Variants in DLG2 observed in about 807,000 individuals in gnomAD.
DLG2 encodes the protein discs large MAGUK scaffold protein 2, also known as disks large homolog 2.
A neutral mutation model predicts 132.5 loss-of-function variants in DLG2; 45 were observed. The observed-to-expected ratio is 0.34, with a 90% CI of 0.27 to 0.44. The LOEUF is 0.44. DLG2 is among the 20% of genes least tolerant of loss of function. The pLI is 1.00. For synonymous variants in DLG2, 424 were observed against 419.6 expected (o/e 1.01, Z -0.13); for missense variants, 1,045 against 1,196.9 (o/e 0.87, Z 1.87).
intron 3 of DLG2, among the ~76,000 whole-genome samples, chr11:85,484,844 A>G (rs2093390831): frequency 2.0e-5 from 3 of 150,978 alleles, no homozygotes; most frequent in South Asian, 4.2e-4. Flanking sequence ...CAGCCATCCC[A>G]TTACTGGGTA....
At chr11:85,005,159 G>A (rs553097961) in intron 6 of DLG2, among the ~76,000 whole-genome samples, 64 of 152,248 alleles carry the variant, frequency 4.2e-4, no homozygotes, top group Non-Finnish European at 6.8e-4. Context: ...GTCAAATAGC[G>A]TGATGACTGC....
chr11:85,372,724 T>G (rs1473631448), intron 3 of DLG2, among the ~76,000 whole-genome samples: 2 of 152,254 alleles, frequency 1.3e-5, no homozygotes, highest in African/African-American at 4.8e-5. Context: ...CTAGGCCCTC[T>G]CTGCTTCATG....
intron 3 of DLG2, among the ~76,000 whole-genome samples, chr11:85,500,751 G>T (rs989387134): frequency 6.6e-6 from 1 of 152,032 alleles, no homozygotes; most frequent in Non-Finnish European, 1.5e-5. Context: ...ACAAACCACT[G>T]CTCAAGGAAA....
Position 85,243,355 on chromosome 11 carries a change from T to C in DLG2, c.186+41865A>G, listed in dbSNP as rs1334788776. On this transcript the variant is annotated intron_variant, in intron 4 of 27. Coordinates refer to ENST00000376104, the MANE Select transcript of DLG2 (RefSeq NM_001142699.3). ...GCTTTTCGAATTCAGAGATTCTATT[T>C]CATTCAATTTTACATCCCAGACCCA... is the stretch of plus-strand genomic sequence containing the variant. 1.4e-4 allele frequency among the ~76,000 whole-genome samples: 22 copies of C among 152,032 alleles called. No homozygotes were observed. The Admixed American group carries it at 1.4e-3, about 10-fold the overall frequency.
chr11:84,051,765 A>G (rs1308785655), intron 11 of DLG2, among the ~76,000 whole-genome samples: 1 of 151,918 alleles, frequency 6.6e-6, no homozygotes, highest in Non-Finnish European at 1.5e-5. Flanking sequence ...CTAAAACTTA[A>G]AGTATAATAT....
chr11:85,063,365 T>C (rs1423060914), intron 6 of DLG2, among the ~76,000 whole-genome samples: 1 of 151,858 alleles, frequency 6.6e-6, no homozygotes, highest in Non-Finnish European at 1.5e-5. Flanking sequence ...CATAGTCCAC[T>C]GCATATGGTT....
At chr11:85,426,665 C>A (rs1324304930) in intron 3 of DLG2, among the ~76,000 whole-genome samples, 1 of 152,112 alleles carries the variant, frequency 6.6e-6, no homozygotes, top group Non-Finnish European at 1.5e-5. Context: ...GATAAAACCA[C>A]AAAGATGGGG....
chr11:83,534,583 G>A (rs1228306301), intron 20 of DLG2, among the ~76,000 whole-genome samples: 2 of 152,182 alleles, frequency 1.3e-5, no homozygotes, highest in Non-Finnish European at 2.9e-5. Flanking sequence ...CAGTGTGAGA[G>A]TAGAATATCT....
At chr11:84,316,279 A>G (rs2098354183) in intron 7 of DLG2, among the ~76,000 whole-genome samples, 1 of 152,204 alleles carries the variant, frequency 6.6e-6, no homozygotes, top group Non-Finnish European at 1.5e-5. Flanking sequence ...TGTTTTGCTC[A>G]TAATTATTCC....
chr11:84,466,644 A>G (rs1181282849), intron 7 of DLG2, among the ~76,000 whole-genome samples: 2 of 151,428 alleles, frequency 1.3e-5, no homozygotes, highest in Non-Finnish European at 3.0e-5. Flanking sequence ...GTTGGCAAGA[A>G]GCAGCAGGAA....
rs188807926 is a variant in DLG2 at position 84,829,926 on chromosome 11, A to G, written c.357+281735T>C. Reference sequence around the variant, plus strand: ...AATGTACAATCCTTTAATTTACAACATAAGTCCAAAGATAGGATTTGAGGC... The same window carrying G: ...AATGTACAATCCTTTAATTTACAACGTAAGTCCAAAGATAGGATTTGAGGC... On this transcript the variant is annotated intron_variant, in intron 6 of 27. Coordinates refer to ENST00000376104, the MANE Select transcript of DLG2 (RefSeq NM_001142699.3). 1.7e-3 allele frequency among the ~76,000 whole-genome samples: 258 copies of G among 151,844 alleles called. 2 individuals carry two copies. The highest frequency in any genetic ancestry group is 5.7e-3 in the Admixed American group (87 of 15,198).
intron 4 of DLG2, among the ~76,000 whole-genome samples, chr11:85,200,781 C>G (rs2081400028): frequency 1.3e-5 from 2 of 152,044 alleles, no homozygotes; most frequent in Non-Finnish European, 2.9e-5. Context: ...CAGCAGATCC[C>G]AAGGGACCTC....
At chr11:85,549,425 G>T (rs1309023903) in intron 3 of DLG2, among the ~76,000 whole-genome samples, 1 of 152,062 alleles carries the variant, frequency 6.6e-6, no homozygotes, top group Non-Finnish European at 1.5e-5. Flanking sequence ...GTTCCTATTC[G>T]GCCATCTTGC....
chr11:84,843,766 A>G (rs1427150118), intron 6 of DLG2, among the ~76,000 whole-genome samples: 3 of 151,814 alleles, frequency 2.0e-5, no homozygotes, highest in African/African-American at 7.3e-5. Flanking sequence ...AAGTCTATAC[A>G]TGTTCAATAC....
intron 3 of DLG2, among the ~76,000 whole-genome samples, chr11:85,564,992 T>G (rs1342792589): frequency 6.6e-6 from 1 of 152,074 alleles, no homozygotes; most frequent in Non-Finnish European, 1.5e-5. Context: ...CATATTTTGA[T>G]GTGTGGTAAA....
At chr11:83,927,364 A>C (rs1362433099) in intron 15 of DLG2, among the ~76,000 whole-genome samples, 1 of 152,180 alleles carries the variant, frequency 6.6e-6, no homozygotes, top group Non-Finnish European at 1.5e-5. Context: ...ATAGAAAGAA[A>C]ATATATAATG....
intron 5 of DLG2, among the ~76,000 whole-genome samples, chr11:85,134,581 A>G (rs2076021035): frequency 6.7e-6 from 1 of 149,724 alleles, no homozygotes; most frequent in East Asian, 1.9e-4. Context: ...AACAATTTGG[A>G]AAAAAATAAT....
chr11:85,416,265 T>C (rs575814518), intron 3 of DLG2, among the ~76,000 whole-genome samples: 228 of 152,088 alleles, frequency 1.5e-3, no homozygotes, highest in Middle Eastern at 6.8e-3. Flanking sequence ...TGTGTGACAT[T>C]ATTTCTGAGG....
chr11:84,313,689 A>AAAGAAAGAAAGAAAGAAAG (rs1567261581), intron 7 of DLG2, among the ~76,000 whole-genome samples: 14 of 93,282 alleles, frequency 1.5e-4, no homozygotes, highest in African/African-American at 4.1e-4. Flanking sequence ...AAGAAAGAAA[A>AAAGAAAGAAAGAAAGAAAG]AGAAAGAGGA....
Sources: gnomAD v4.1 joint callset for allele counts (sites outside exome capture counted in the v4.1 genomes callset) on GRCh38, gnomAD v4.1.1 for gene constraint, MANE v1.5 for transcripts, NCBI Gene and HGNC (gene_info 2026-07-23, HGNC 2026-07-21) for gene names.